COL21A1: variants seen among roughly 807,000 people sequenced by gnomAD.
The protein encoded by COL21A1 is collagen alpha-1(XXI) chain.
COL21A1 carries 149 observed loss-of-function variants against 137.9 expected under a neutral mutation model. That is an observed-to-expected ratio of 1.08 (90% confidence interval 0.95 to 1.24). The LOEUF (loss-of-function observed/expected upper bound fraction) is 1.24, where lower values mean the gene tolerates loss of function less well. Among genes scored for constraint, COL21A1 ranks in the 50% most tolerant of loss-of-function variants. The pLI is 0.00. For missense variants in COL21A1, 1,167 were observed against 1,158.4 expected (o/e 1.01, Z -0.11); for synonymous variants, 456 against 391.5 (o/e 1.16, Z -1.95).
intron 1 of COL21A1, among the ~76,000 whole-genome samples, chr6:56,314,666 G>A (rs979779409): frequency 6.6e-6 from 1 of 152,062 alleles, no homozygotes; most frequent in African/African-American, 2.4e-5. Context: ...AGCTTCTAAA[G>A]TTCAAAACAC....
intron 8 of COL21A1, 74 bp from the exon 9 acceptor site, chr6:56,164,580 AT>A: frequency 8.9e-7 from 1 of 1,129,720 alleles, no homozygotes. Flanking sequence ...ATGTTTATGC[AT>A]TTATATATTT....
chr6:56,298,688 G>A (rs1764214491), intron 1 of COL21A1, among the ~76,000 whole-genome samples: 1 of 152,072 alleles, frequency 6.6e-6, no homozygotes, highest in African/African-American at 2.4e-5. Context: ...CAGAGAAACA[G>A]GTGACTTATG....
At chr6:56,204,714 A>G (rs1561981664) in intron 1 of COL21A1, among the ~76,000 whole-genome samples, 1 of 152,116 alleles carries the variant, frequency 6.6e-6, no homozygotes, top group Non-Finnish European at 1.5e-5. Flanking sequence ...GCTGACAGAC[A>G]CCTCATACAG....
chr6:56,178,432 A>C (rs1354509739), intron 3 of COL21A1, among the ~76,000 whole-genome samples: 2 of 152,108 alleles, frequency 1.3e-5, no homozygotes, highest in African/African-American at 4.8e-5. Context: ...TAAATATGAA[A>C]ATTTAAAAAG....
intron 10 of COL21A1, among the ~76,000 whole-genome samples, chr6:56,150,565 C>CACA (rs1402170446): frequency 1.8e-5 from 2 of 112,606 alleles, no homozygotes; most frequent in East Asian, 2.3e-4. Flanking sequence ...CACACACACA[C>CACA]AAGAGTGGGG....
chr6:56,333,038 C>A (rs891820222), intron 1 of COL21A1, among the ~76,000 whole-genome samples: 2 of 151,912 alleles, frequency 1.3e-5, no homozygotes, highest in African/African-American at 4.8e-5. Context: ...CTCTTTTTAT[C>A]CTGCACTTAT....
At chr6:56,212,553 C>T (rs946877694) in intron 1 of COL21A1, among the ~76,000 whole-genome samples, 20 of 151,946 alleles carry the variant, frequency 1.3e-4, no homozygotes, top group Admixed American at 1.3e-3. Context: ...TGAAACTTTT[C>T]CCTTTCAAGG....
intron 16 of COL21A1, among the ~76,000 whole-genome samples, chr6:56,110,018 A>G (rs1771280136): frequency 2.0e-5 from 3 of 152,054 alleles, no homozygotes. Flanking sequence ...AAGCTGGACA[A>G]AAATATCACG....
intron 1 of COL21A1, among the ~76,000 whole-genome samples, chr6:56,313,168 G>A (rs935212023): frequency 6.6e-6 from 1 of 152,018 alleles, no homozygotes; most frequent in East Asian, 1.9e-4. Flanking sequence ...GTGATCTAGG[G>A]TATCTGGAGA....
In COL21A1 at chr6:56,110,255, C is replaced by CTT. The variant is rs35299623; in HGVS notation, c.1759-8732_1759-8731dup. Among the ~76,000 whole-genome samples, 7 of 121,918 alleles carry CTT rather than the reference C, an allele frequency of 5.7e-5. 1 individual carries two copies. The highest frequency in any genetic ancestry group is 9.2e-5 in the African/African-American group (3 of 32,686). The allele number at this position is 121,918 out of a possible 152,430, so 80.0% of individuals were successfully genotyped here. On this transcript the variant is annotated intron_variant, in intron 16 of 29. Transcript: ENST00000244728. ...ATCAAGTCAGTGAAGGCAGAAAAAG[C>CTT]TTTTTTTTTTTTTTTTTGCAAAATT...
At chr6:56,111,756 C>A (rs1771450639) in intron 16 of COL21A1, among the ~76,000 whole-genome samples, 1 of 151,494 alleles carries the variant, frequency 6.6e-6, no homozygotes, top group Non-Finnish European at 1.5e-5. Flanking sequence ...TGCCTGTAAT[C>A]CCAGCTACTC....
At chr6:56,069,932 A>G (rs1217466316) in intron 21 of COL21A1, among the ~76,000 whole-genome samples, 1 of 151,422 alleles carries the variant, frequency 6.6e-6, no homozygotes, top group East Asian at 1.9e-4. Flanking sequence ...TAAATTCTTG[A>G]GCTATTTTTC....
chr6:56,363,596 T>A (rs141277499), intron 1 of COL21A1, among the ~76,000 whole-genome samples: 179 of 152,302 alleles, frequency 1.2e-3, no homozygotes, highest in Non-Finnish European at 2.2e-3. Flanking sequence ...CAGAGATAAG[T>A]GAAGTTCCTA....
chr6:56,145,073 T>C (rs530157956), intron 10 of COL21A1, among the ~76,000 whole-genome samples: 30 of 152,320 alleles, frequency 2.0e-4, no homozygotes, highest in South Asian at 1.2e-3. Context: ...CTGCAGAATG[T>C]TACTCCACAG....
At chr6:56,117,150 G>C (rs1772009081) in intron 16 of COL21A1, among the ~76,000 whole-genome samples, 2 of 151,764 alleles carry the variant, frequency 1.3e-5, no homozygotes, top group South Asian at 4.1e-4. Context: ...AAAACACATA[G>C]ACTGGCTGAC....
chr6:56,126,005 T>C lies in COL21A1; in HGVS notation c.1596+91A>G, dbSNP rs1773024778. 3 of 712,070 alleles carry C rather than the reference T, an allele frequency of 4.2e-6. No individual in the cohort carries two copies. The East Asian group carries it at 8.6e-5, about 20-fold the overall frequency. 44.1% of individuals were successfully genotyped at this position (712,070 alleles called of 1,614,324 possible). ...CTTTATCTCTAATTATATATGAACA[T>C]TTATTTATAACATATTTGTAATATA... On this transcript the variant is annotated intron_variant, in intron 13 of 29. Coordinates refer to ENST00000244728, the MANE Select transcript of COL21A1 (RefSeq NM_030820.4).
intron 14 of COL21A1, 185 bp downstream of exon 14, chr6:56,125,382 T>C (rs923007231): frequency 7.1e-6 from 3 of 423,652 alleles, no homozygotes; most frequent in African/African-American, 2.1e-5. Context: ...ATACCATACA[T>C]AGCAGTCTGC....
At chr6:56,362,003 G>A (rs1468738034) in intron 1 of COL21A1, among the ~76,000 whole-genome samples, 1 of 152,102 alleles carries the variant, frequency 6.6e-6, no homozygotes, top group East Asian at 1.9e-4. Flanking sequence ...TGGTCACTAA[G>A]AGGATATGAA....
At chr6:56,225,825 C>T (rs921166486) in intron 1 of COL21A1, 18 of 151,910 alleles carry the variant, frequency 1.2e-4, no homozygotes, top group African/African-American at 4.3e-4. Flanking sequence ...TAAAATTAGA[C>T]ACAGCTAGTC....
Sources: gnomAD v4.1 joint callset for allele counts (sites outside exome capture counted in the v4.1 genomes callset) on GRCh38, gnomAD v4.1.1 for gene constraint, MANE v1.5 for transcripts, NCBI Gene and HGNC (gene_info 2026-07-23, HGNC 2026-07-21) for gene names.